NRF1: variants seen among roughly 807,000 people sequenced by gnomAD.
The protein encoded by NRF1 is alpha palindromic-binding protein.
In NRF1, 5 loss-of-function variants were observed where a neutral mutation model predicts 58.5. The ratio of observed to expected loss-of-function variants is 0.09; its 90% CI spans 0.04 to 0.18. NRF1 has a LOEUF of 0.18. Ranked by LOEUF, NRF1 falls within the 10% of genes least tolerant of loss-of-function variation. The probability of loss-of-function intolerance (pLI) is 1.00; values close to 1 mark genes in which losing one functional copy is unlikely to be tolerated. For synonymous variants in NRF1, 224 were observed against 246.7 expected (o/e 0.91, Z 0.86); for missense variants, 288 against 657.7 (o/e 0.44, Z 6.15).
chr7:129,744,329 T>C (rs1803920984), intron 10 of NRF1: 1 of 997,066 alleles, frequency 1.0e-6, no homozygotes, highest in African/African-American at 1.6e-5. Context: ...GTGGGATTCC[T>C]CTACTGTGCA....
chr7:129,717,394 G>A lies in NRF1; in HGVS notation c.1223+18G>A, dbSNP rs752945543. 1.3e-6 allele frequency: 2 copies of A among 1,592,730 alleles called. No homozygotes were observed. Among genetic ancestry groups the A allele is most frequent in the East Asian group, 4.5e-5 (2 of 44,488 alleles). ...CTTAACAGGTGGTGGCAAGAGTGTG[G>A]GAATAAGTGAGGATCGCAAATCTGT... On this transcript the variant is annotated intron_variant, in intron 9 of 10. Coordinates refer to ENST00000393232, the MANE Select transcript of NRF1 (RefSeq NM_005011.5).
chr7:129,725,211 G>A (rs1803423226), intron 9 of NRF1, among the ~76,000 whole-genome samples: 2 of 152,154 alleles, frequency 1.3e-5, no homozygotes. Context: ...TGGCTGCACA[G>A]CATTCTGAGT....
chr7:129,733,600 G>C (rs2116271630), intron 10 of NRF1, among the ~76,000 whole-genome samples: 2 of 152,320 alleles, frequency 1.3e-5, no homozygotes, highest in Middle Eastern at 6.8e-3. Flanking sequence ...CTTTCCCCAG[G>C]TTCAGGGTTA....
At chr7:129,754,837 T>C (rs1262050284) in intron 10 of NRF1, among the ~76,000 whole-genome samples, 181 bp from the exon 11 acceptor site, 1 of 152,116 alleles carries the variant, frequency 6.6e-6, no homozygotes, top group Non-Finnish European at 1.5e-5. Context: ...ATCTTAAAAA[T>C]TAATGAAAAA....
At chr7:129,630,435 T>C (rs915725835) in intron 1 of NRF1, among the ~76,000 whole-genome samples, 1 of 152,214 alleles carries the variant, frequency 6.6e-6, no homozygotes, top group African/African-American at 2.4e-5. Context: ...AGGATGGATC[T>C]GATCTGAAAA....
At chr7:129,721,092 T>C (rs946933407) in intron 9 of NRF1, among the ~76,000 whole-genome samples, 2 of 152,062 alleles carry the variant, frequency 1.3e-5, no homozygotes, top group Admixed American at 1.3e-4. Context: ...AAGGAAGTAA[T>C]ATTATCATTT....
chr7:129,733,416 G>A (rs1316245806), intron 10 of NRF1, among the ~76,000 whole-genome samples: 2 of 151,250 alleles, frequency 1.3e-5, no homozygotes, highest in African/African-American at 2.4e-5. Context: ...GCAGTGATCC[G>A]AGATTGCGCC....
chr7:129,695,018 A>AACTGTT (rs1387733664), intron 5 of NRF1, among the ~76,000 whole-genome samples: 3 of 152,218 alleles, frequency 2.0e-5, no homozygotes, highest in Non-Finnish European at 4.4e-5. Context: ...TGATTCCGTG[A>AACTGTT]ACTGTTAGAC....
chr7:129,672,978 G>C (rs753654666), intron 3 of NRF1, among the ~76,000 whole-genome samples: 2 of 152,154 alleles, frequency 1.3e-5, no homozygotes, highest in African/African-American at 2.4e-5. Flanking sequence ...TTAGAGGTTA[G>C]AGAGATTAAA....
At chr7:129,705,324 T>C (rs1023167743) in intron 5 of NRF1, among the ~76,000 whole-genome samples, 3 of 152,158 alleles carry the variant, frequency 2.0e-5, no homozygotes, top group African/African-American at 7.2e-5. Context: ...GGAGTCTTGC[T>C]CTGTTGCCCA....
At chr7:129,664,166 A>G (rs1801869095) in intron 2 of NRF1, among the ~76,000 whole-genome samples, 1 of 149,844 alleles carries the variant, frequency 6.7e-6, no homozygotes, top group Non-Finnish European at 1.5e-5. Context: ...GGGAGAGGGT[A>G]GGGGAGAGGG....
intron 5 of NRF1, 70 bp downstream of exon 5, chr7:129,690,616 T>C (rs1322985491): frequency 2.6e-6 from 4 of 1,541,728 alleles, no homozygotes; most frequent in Non-Finnish European, 3.6e-6. Flanking sequence ...TCTGATCACT[T>C]TTCTGCATTT....
chr7:129,617,673 C>A (rs1284577559), intron 1 of NRF1, among the ~76,000 whole-genome samples: 2 of 151,890 alleles, frequency 1.3e-5, no homozygotes, highest in Non-Finnish European at 2.9e-5. Flanking sequence ...TTCTAGAGAA[C>A]CAAAATAGAG....
intron 9 of NRF1, among the ~76,000 whole-genome samples, chr7:129,720,391 A>G (rs553690452): frequency 6.6e-6 from 1 of 152,334 alleles, no homozygotes; most frequent in East Asian, 1.9e-4. Flanking sequence ...CAGTAGAATC[A>G]TTTAGTCCTT....
At chr7:129,625,009 A>G (rs1023055455) in intron 1 of NRF1, among the ~76,000 whole-genome samples, 2 of 152,206 alleles carry the variant, frequency 1.3e-5, no homozygotes, top group African/African-American at 4.8e-5. Flanking sequence ...TTCAAGAAAC[A>G]GAAATGTATT....
chr7:129,653,438 C>T (rs1042421633), intron 1 of NRF1, among the ~76,000 whole-genome samples: 4 of 152,122 alleles, frequency 2.6e-5, no homozygotes, highest in Admixed American at 6.6e-5. Flanking sequence ...TTGATGAGCC[C>T]ACATTGACAC....
intron 10 of NRF1, among the ~76,000 whole-genome samples, chr7:129,753,094 G>C (rs2116329648): frequency 1.3e-5 from 2 of 152,118 alleles, no homozygotes; most frequent in Middle Eastern, 6.8e-3. Context: ...TTAGAAAAAA[G>C]TTACATACAA....
chr7:129,701,418 T>C (rs1253501189), intron 5 of NRF1, among the ~76,000 whole-genome samples: 3 of 151,794 alleles, frequency 2.0e-5, no homozygotes, highest in Non-Finnish European at 4.4e-5. Flanking sequence ...GCCAACATGG[T>C]GAAACCCCGT....
chr7:129,691,407 G>A (rs1219503240), intron 5 of NRF1, among the ~76,000 whole-genome samples: 4 of 148,646 alleles, frequency 2.7e-5, no homozygotes, highest in Non-Finnish European at 5.9e-5. Flanking sequence ...TGTGGCCCAG[G>A]CTGGAGGGCA....
Sources: gnomAD v4.1 joint callset for allele counts (sites outside exome capture counted in the v4.1 genomes callset) on GRCh38, gnomAD v4.1.1 for gene constraint, MANE v1.5 for transcripts, NCBI Gene and HGNC (gene_info 2026-07-23, HGNC 2026-07-21) for gene names.